CCL26: variants seen among roughly 807,000 people sequenced by gnomAD.
The protein encoded by CCL26 is C-C motif chemokine 26.
In CCL26, 10 loss-of-function variants were observed where a neutral mutation model predicts 10.7. That is an observed-to-expected ratio of 0.93 (90% CI 0.57 to 1.58). The LOEUF is 1.58. CCL26 is among the 40% of genes most tolerant of loss of function. The probability of loss-of-function intolerance (pLI) is 0.00; values close to 1 mark genes in which losing one functional copy is unlikely to be tolerated. For synonymous variants in CCL26, 43 were observed against 41.4 expected, an observed-to-expected ratio of 1.04 and a Z score of -0.15; for missense variants, 116 against 111.0, an observed-to-expected ratio of 1.05 and a Z score of -0.20.
upstream of CCL26, among the ~76,000 whole-genome samples, chr7:75,775,071 T>A (rs1042751609): frequency 3.3e-5 from 5 of 151,912 alleles, no homozygotes; most frequent in East Asian, 9.8e-4. Context: ...AATACAAAAA[T>A]TAGCTGAGCA....
intron 1 of CCL26, among the ~76,000 whole-genome samples, chr7:75,778,616 G>C (rs1802992457): frequency 2.0e-5 from 3 of 149,758 alleles, no homozygotes; most frequent in Admixed American, 1.3e-4. Context: ...TGTCTATTAA[G>C]GGTTCTTTGC....
intron 1 of CCL26, among the ~76,000 whole-genome samples, chr7:75,780,945 C>T (rs1217615341): frequency 6.6e-6 from 1 of 152,202 alleles, no homozygotes; most frequent in Non-Finnish European, 1.5e-5. Flanking sequence ...GCAATTTCCT[C>T]TTAAAAAGGT....
chr7:75,782,016 C>T (rs1298289982), intron 1 of CCL26, among the ~76,000 whole-genome samples: 3 of 152,172 alleles, frequency 2.0e-5, no homozygotes, highest in Non-Finnish European at 4.4e-5. Flanking sequence ...ATGAAGTGAT[C>T]CACCTATGAC....
At chr7:75,783,786 C>CAAA (rs1318162003) in intron 1 of CCL26, among the ~76,000 whole-genome samples, 2 of 87,780 alleles carry the variant, frequency 2.3e-5, no homozygotes, top group South Asian at 4.4e-4. Flanking sequence ...GACTCCAGCT[C>CAAA]AAAAAAAAAA....
chr7:75,783,806 A>C (rs1190733376), intron 1 of CCL26, among the ~76,000 whole-genome samples: 1 of 151,704 alleles, frequency 6.6e-6, no homozygotes, highest in African/African-American at 2.4e-5. Context: ...AAAAAAAAGA[A>C]AGAAACTACC....
At chr7:75,774,847 G>T (rs1802900421), upstream of CCL26, among the ~76,000 whole-genome samples, 2 of 152,088 alleles carry the variant, frequency 1.3e-5, no homozygotes, top group Non-Finnish European at 1.5e-5. Context: ...TTGAGCCCAG[G>T]AGTTCAAGGC....
chr7:75,790,205 T>C (rs1258170111), upstream of CCL26, among the ~76,000 whole-genome samples: 4 of 111,230 alleles, frequency 3.6e-5, no homozygotes, highest in Non-Finnish European at 5.6e-5. Context: ...CTTTCTTTCT[T>C]TCTTTCTTTC....
chr7:75,785,829 G>T (rs1318300331), intron 1 of CCL26, among the ~76,000 whole-genome samples: 4 of 152,110 alleles, frequency 2.6e-5, no homozygotes, highest in African/African-American at 4.8e-5. Flanking sequence ...ATTACACACA[G>T]CCAAAGTGCA....
chr7:75,787,331 G>A (rs898642333), intron 1 of CCL26, among the ~76,000 whole-genome samples: 12 of 152,102 alleles, frequency 7.9e-5, no homozygotes, highest in East Asian at 1.9e-4. Flanking sequence ...AAGGTAAAAC[G>A]GACTAATGGT....
upstream of CCL26, among the ~76,000 whole-genome samples, chr7:75,772,668 A>AAC (rs1802854206): frequency 6.7e-6 from 1 of 149,676 alleles, no homozygotes. Context: ...AAAAAAAAAA[A>AAC]CAAACAAACA....
upstream of CCL26, among the ~76,000 whole-genome samples, chr7:75,776,640 T>TG (rs1802948826): frequency 6.6e-6 from 1 of 151,540 alleles, no homozygotes; most frequent in African/African-American, 2.4e-5. Context: ...AGAAAGATAA[T>TG]GGCTGAGGCG....
intron 2 of CCL26, 86 bp from the exon 3 acceptor site, chr7:75,769,875 C>T (rs2302008): frequency 0.022 from 17,553 of 810,138 alleles, 617 homozygotes; most frequent in African/African-American, 0.12. Context: ...GCAGCTCTCT[C>T]ACTAGTCTTC....
In CCL26 at chr7:75,769,643, G is replaced by T; in HGVS notation, c.*50C>A. On this transcript the variant is annotated 3_prime_UTR_variant, in exon 3 of 3. Coordinates refer to ENST00000005180, the MANE Select transcript of CCL26 (RefSeq NM_001371938.1). ...GATTCCGCAGGCTCCCCAGAGGGCT[G>T]CAGAGCCAAGAGCGGGGTCCAAGCG... 1.6e-6 allele frequency: 2 copies of T among 1,249,462 alleles called. No homozygotes were observed. Among genetic ancestry groups the T allele is most frequent in the Non-Finnish European group, 1.2e-6 (1 of 848,914 alleles). 77.4% of individuals were successfully genotyped at this position (1,249,462 alleles called of 1,614,324 possible).
At chr7:75,785,244 T>A (rs1297172706) in intron 1 of CCL26, among the ~76,000 whole-genome samples, 1 of 152,152 alleles carries the variant, frequency 6.6e-6, no homozygotes, top group East Asian at 1.9e-4. Flanking sequence ...GGACTGACCC[T>A]GACACCCATC....
chr7:75,789,913 CT>C (rs2115706979), upstream of CCL26: 1 of 152,276 alleles, frequency 6.6e-6, no homozygotes, highest in South Asian at 2.1e-4. Flanking sequence ...ACAATGAATT[CT>C]TGGGGTATAT....
intron 1 of CCL26, among the ~76,000 whole-genome samples, chr7:75,786,967 T>C (rs1050839652): frequency 6.6e-6 from 1 of 152,204 alleles, no homozygotes; most frequent in African/African-American, 2.4e-5. Context: ...GCTATTCTAC[T>C]ACTCCTCAGG....
intron 1 of CCL26, among the ~76,000 whole-genome samples, chr7:75,787,397 A>AGGCG (rs1803219649): frequency 6.6e-6 from 1 of 151,934 alleles, no homozygotes; most frequent in Non-Finnish European, 1.5e-5. Context: ...GTAATCCCAG[A>AGGCG]ACTTTGGGAG....
upstream of CCL26, among the ~76,000 whole-genome samples, chr7:75,790,095 C>G (rs1227449052): frequency 6.9e-6 from 1 of 145,382 alleles, no homozygotes; most frequent in African/African-American, 2.5e-5. Context: ...TTCCCCAGCT[C>G]TCTCCCTCCT....
At chr7:75,770,494 G>A (rs528729576) in intron 2 of CCL26, among the ~76,000 whole-genome samples, 7 of 151,292 alleles carry the variant, frequency 4.6e-5, no homozygotes, top group South Asian at 2.1e-4. Flanking sequence ...TGATTCTTCC[G>A]CCTCAGCCTC....
Sources: allele counts gnomAD v4.1 joint callset (sites outside exome capture counted in the v4.1 genomes callset), GRCh38; gene constraint gnomAD v4.1.1; transcripts MANE v1.5; gene names NCBI Gene and HGNC (gene_info 2026-07-23, HGNC 2026-07-21).